Variants in TRIP12 observed in about 807,000 individuals in gnomAD.
TRIP12 encodes thyroid hormone receptor interactor 12, also known as E3 ubiquitin-protein ligase TRIP12.
TRIP12 carries 25 observed loss-of-function variants against 244.2 expected under a neutral mutation model. The observed-to-expected ratio is 0.10, with a 90% confidence interval of 0.07 to 0.14. The LOEUF (loss-of-function observed/expected upper bound fraction) is 0.14. TRIP12 is among the 10% of genes least tolerant of loss of function. The pLI is 1.00. For synonymous variants in TRIP12, 905 were observed against 873.1 expected (o/e 1.04, Z -0.64); for missense variants, 1,677 against 2,486.4 (o/e 0.67, Z 6.92).
At chr2:229,779,358 A>T (rs970211446) in intron 34 of TRIP12, among the ~76,000 whole-genome samples, 1 of 151,964 alleles carries the variant, frequency 6.6e-6, no homozygotes, top group African/African-American at 2.4e-5. Context: ...CTCAAATGTC[A>T]CCCTCTCAAG....
intron 34 of TRIP12, among the ~76,000 whole-genome samples, chr2:229,784,386 T>A (rs1020809332): frequency 5.4e-5 from 8 of 148,596 alleles, no homozygotes; most frequent in Non-Finnish European, 1.2e-4. Flanking sequence ...TATATATATA[T>A]AAATTAACTT....
intron 9 of TRIP12, among the ~76,000 whole-genome samples, chr2:229,816,144 T>C (rs1171772741): frequency 6.6e-6 from 1 of 152,146 alleles, no homozygotes; most frequent in Non-Finnish European, 1.5e-5. Context: ...TCAATTAAAT[T>C]TATAATGACA....
chr2:229,922,802 G>C (rs1481932359), upstream of TRIP12, among the ~76,000 whole-genome samples: 1 of 152,164 alleles, frequency 6.6e-6, no homozygotes, highest in Admixed American at 6.5e-5. Flanking sequence ...TGCTCTCCCC[G>C]AGCCCGGCTA....
intron 3 of TRIP12, 108 bp from the exon 4 acceptor site, chr2:229,859,682 T>C (rs1303625582): frequency 1.5e-5 from 18 of 1,235,016 alleles, no homozygotes; most frequent in African/African-American, 3.0e-5. Flanking sequence ...CTAAGTCCAG[T>C]ATTAAACATA....
intron 8 of TRIP12, among the ~76,000 whole-genome samples, chr2:229,825,167 A>G (rs2051198515): frequency 6.6e-6 from 1 of 152,224 alleles, no homozygotes; most frequent in East Asian, 1.9e-4. Context: ...CTGTGGGATA[A>G]AGCAAATGAG....
chr2:229,840,851 T>C lies in TRIP12; in HGVS notation c.1104A>G (p.Gln368=), dbSNP rs143290918. 2.5e-6 allele frequency: 4 copies of C among 1,604,722 alleles called. No individual in the cohort carries two copies. The highest frequency in any genetic ancestry group is 3.4e-6 in the Non-Finnish European group (4 of 1,177,652). The part of the protein sequence containing the change: ...ELPSLRRSTR[Q]KTTGSCASTS... ...TACTAGCACAGGAGCCCGTGGTCTT[T>C]TGGCGTGTGCTCCGCCTCAAACTGG... The change falls in exon 5 of 42, where the codon CAA becomes CAG. Residue 368 remains glutamine, a synonymous_variant. Coordinates refer to ENST00000675903, the MANE Select transcript of TRIP12 (RefSeq NM_001348323.3).
chr2:229,843,063 T>C (rs1358571339), intron 4 of TRIP12, among the ~76,000 whole-genome samples: 51 of 141,116 alleles, frequency 3.6e-4, no homozygotes, highest in African/African-American at 1.2e-3. Flanking sequence ...TCTCTCTCTC[T>C]CCCCCACTCC....
At chr2:229,904,326 G>A (rs1239655635) in intron 1 of TRIP12, among the ~76,000 whole-genome samples, 1 of 146,464 alleles carries the variant, frequency 6.8e-6, no homozygotes, top group Non-Finnish European at 1.5e-5. Flanking sequence ...GCTGAGGCAG[G>A]AGAATCGCTT....
chr2:229,815,364 G>GAAGAAATACCTC, intron 9 of TRIP12, 56 bp from the exon 10 acceptor site: 1 of 1,041,504 alleles, frequency 9.6e-7, no homozygotes, highest in Non-Finnish European at 1.4e-6. Flanking sequence ...AATCCTAGAG[G>GAAGAAATACCTC]TATTTCTTCC....
At chr2:229,890,347 G>A (rs1389378506) in intron 1 of TRIP12, among the ~76,000 whole-genome samples, 1 of 152,080 alleles carries the variant, frequency 6.6e-6, no homozygotes, top group Non-Finnish European at 1.5e-5. Flanking sequence ...CCATCCACCT[G>A]CCTCGGCCTC....
intron 8 of TRIP12, among the ~76,000 whole-genome samples, chr2:229,820,373 C>T (rs2049719448): frequency 6.6e-6 from 1 of 152,080 alleles, no homozygotes. Flanking sequence ...AAGATGACAA[C>T]AAAAAGCCAA....
At position 229,779,486 on chromosome 2, in the gene TRIP12, T is replaced by C. The variant is rs569363483; in HGVS notation, c.5095-496A>G. ...ACTTTACCACAATTTCAGTATATGCTTGCATATTTCACAGGATGATAACTA... is the reference window on the plus strand; with the variant it reads ...ACTTTACCACAATTTCAGTATATGCCTGCATATTTCACAGGATGATAACTA... On this transcript the variant is annotated intron_variant, in intron 34 of 41. Transcript: ENST00000675903. Among the ~76,000 whole-genome samples, 46 of 152,348 alleles carry C rather than the reference T, an allele frequency of 3.0e-4. 1 individual carries two copies. The highest frequency in any genetic ancestry group is 1.0e-3 in the African/African-American group (42 of 41,584).
At chr2:229,770,660 G>A (rs2033915139) in intron 39 of TRIP12, among the ~76,000 whole-genome samples, 1 of 152,154 alleles carries the variant, frequency 6.6e-6, no homozygotes, top group Non-Finnish European at 1.5e-5. Context: ...TGGTTTGGCT[G>A]TGCCCCTACC....
At chr2:229,822,644 T>C (rs2050375644) in intron 8 of TRIP12, among the ~76,000 whole-genome samples, 1 of 152,210 alleles carries the variant, frequency 6.6e-6, no homozygotes, top group Non-Finnish European at 1.5e-5. Context: ...TTTGGGCCAC[T>C]TTAGTTCTTT....
At chr2:229,777,189 A>T in intron 37 of TRIP12, 126 bp downstream of exon 37, 2 of 1,116,286 alleles carry the variant, frequency 1.8e-6, no homozygotes, top group Non-Finnish European at 2.5e-6. Context: ...TAGTACAATA[A>T]AAGAATTAAA....
intron 1 of TRIP12, among the ~76,000 whole-genome samples, chr2:229,912,798 CT>C (rs1460171523): frequency 1.3e-5 from 2 of 152,176 alleles, no homozygotes; most frequent in African/African-American, 2.4e-5. Context: ...TAAATCTCTT[CT>C]TTTTCAGCAC....
chr2:229,909,389 A>G (rs540975382), intron 1 of TRIP12, among the ~76,000 whole-genome samples: 21 of 145,610 alleles, frequency 1.4e-4, no homozygotes, highest in Non-Finnish European at 2.6e-4. Context: ...CCACACACAC[A>G]AAAAAAAAAA....
intron 9 of TRIP12, among the ~76,000 whole-genome samples, chr2:229,816,887 T>G (rs2048638249): frequency 6.6e-6 from 1 of 152,138 alleles, no homozygotes; most frequent in Non-Finnish European, 1.5e-5. Context: ...GAATGGACAT[T>G]AACACAGGCA....
At chr2:229,785,467 A>T (rs1430499829) in intron 34 of TRIP12, among the ~76,000 whole-genome samples, 6 of 152,356 alleles carry the variant, frequency 3.9e-5, no homozygotes, top group Admixed American at 6.5e-5. Flanking sequence ...CTGATTTTTT[A>T]AAAAAGGCAA....
Sources: allele counts gnomAD v4.1 joint callset (sites outside exome capture counted in the v4.1 genomes callset), GRCh38; gene constraint gnomAD v4.1.1; transcripts MANE v1.5; gene names NCBI Gene and HGNC (gene_info 2026-07-23, HGNC 2026-07-21).